Variants in ABL2 observed in about 807,000 individuals in gnomAD.
The protein encoded by ABL2 is tyrosine-protein kinase ABL2.
A neutral mutation model predicts 107.7 loss-of-function variants in ABL2; 49 were observed. That is an observed-to-expected ratio of 0.45 (90% CI 0.36 to 0.58). The LOEUF (loss-of-function observed/expected upper bound fraction) is 0.58. Ranked by LOEUF, ABL2 falls within the 20% of genes least tolerant of loss-of-function variation. The pLI, the probability that ABL2 is intolerant of heterozygous loss-of-function variation, is 0.00. For missense variants in ABL2, 1,245 were observed against 1,457.0 expected, an observed-to-expected ratio of 0.85 and a Z score of 2.37; for synonymous variants, 549 against 548.6, an observed-to-expected ratio of 1.00 and a Z score of -0.01.
At chr1:179,183,944 C>T (rs993102809) in intron 1 of ABL2, 1 of 264,712 alleles carries the variant, frequency 3.8e-6, no homozygotes, top group East Asian at 1.1e-4. Context: ...CTAGACTTGC[C>T]GAAGAGAGAA....
chr1:179,183,266 C>G (rs868819413), intron 1 of ABL2, among the ~76,000 whole-genome samples: 1 of 152,064 alleles, frequency 6.6e-6, no homozygotes, highest in Non-Finnish European at 1.5e-5. Flanking sequence ...TTACTTAATG[C>G]GTACAACTTA....
At chr1:179,192,552 A>G (rs142395847) in intron 1 of ABL2, among the ~76,000 whole-genome samples, 2 of 152,284 alleles carry the variant, frequency 1.3e-5, no homozygotes, top group East Asian at 1.9e-4. Context: ...TGGCACACCA[A>G]TTCACCCATT....
At chr1:179,118,375 C>T (rs1176267164) in intron 7 of ABL2, among the ~76,000 whole-genome samples, 1 of 152,066 alleles carries the variant, frequency 6.6e-6, no homozygotes, top group Non-Finnish European at 1.5e-5. Context: ...AGAGAGTTCT[C>T]AGGTTTGAGA....
intron 1 of ABL2, among the ~76,000 whole-genome samples, chr1:179,224,352 C>T (rs543133662): frequency 4.0e-5 from 6 of 151,868 alleles, no homozygotes; most frequent in South Asian, 2.1e-4. Flanking sequence ...CTGCAAACTC[C>T]GCCTCCGGGG....
intron 1 of ABL2, among the ~76,000 whole-genome samples, chr1:179,180,930 C>T (rs1660342673): frequency 6.6e-6 from 1 of 152,134 alleles, no homozygotes; most frequent in Non-Finnish European, 1.5e-5. Context: ...ATGCAAAAAG[C>T]GTGATAATTA....
At chr1:179,116,998 C>T (rs1654708462) in intron 8 of ABL2, 1 of 330,638 alleles carries the variant, frequency 3.0e-6, no homozygotes, top group Non-Finnish European at 5.8e-6. Flanking sequence ...TGCCACCACG[C>T]CTGGCTAATT....
intron 1 of ABL2, among the ~76,000 whole-genome samples, chr1:179,161,857 G>A (rs1275748059): frequency 6.6e-6 from 1 of 152,170 alleles, no homozygotes; most frequent in African/African-American, 2.4e-5. Flanking sequence ...AGGTGTTTAG[G>A]ACATGACGGC....
chr1:179,123,584 AAAGT>A (rs1173707276), intron 4 of ABL2, among the ~76,000 whole-genome samples: 1 of 152,216 alleles, frequency 6.6e-6, no homozygotes, highest in Non-Finnish European at 1.5e-5. Context: ...TAAGAAATGT[AAAGT>A]AAGAGGGAAT....
At chr1:179,121,889 C>T in intron 4 of ABL2, 22 bp from the exon 5 acceptor site, 2 of 1,344,596 alleles carry the variant, frequency 1.5e-6, no homozygotes, top group South Asian at 1.3e-5. Flanking sequence ...AGGAGAAAAG[C>T]TAAACAACTT....
intron 1 of ABL2, among the ~76,000 whole-genome samples, chr1:179,199,120 C>T (rs1437150298): frequency 2.6e-5 from 4 of 151,934 alleles, no homozygotes; most frequent in African/African-American, 4.8e-5. Flanking sequence ...TGAGATTACA[C>T]GCGTGAGCCA....
At chr1:179,160,080 C>T (rs28911768) in intron 1 of ABL2, among the ~76,000 whole-genome samples, 2 of 152,148 alleles carry the variant, frequency 1.3e-5, no homozygotes, top group Non-Finnish European at 2.9e-5. Context: ...CGCCACTGCA[C>T]GCCAGCCTGG....
At chr1:179,115,539 C>T (rs1654536752) in intron 8 of ABL2, among the ~76,000 whole-genome samples, 1 of 152,196 alleles carries the variant, frequency 6.6e-6, no homozygotes, top group East Asian at 1.9e-4. Flanking sequence ...CCGCCTCGCA[C>T]ATAAATCATC....
At chr1:179,164,480 T>C (rs1659266045) in intron 1 of ABL2, among the ~76,000 whole-genome samples, 1 of 152,208 alleles carries the variant, frequency 6.6e-6, no homozygotes, top group Admixed American at 6.5e-5. Flanking sequence ...CCAAGATCTT[T>C]GCATCTTCAG....
At position 179,109,153 on chromosome 1, in the gene ABL2, G is replaced by A. The variant is rs1312165272; in HGVS notation, c.2114C>T (p.Pro705Leu). 2 of 1,613,514 alleles carry A rather than the reference G, an allele frequency of 1.2e-6. No individual in the cohort carries two copies. The highest frequency in any genetic ancestry group is 1.7e-5 in the Admixed American group (1 of 59,934). The change falls in exon 12 of 12, where the codon CCT (proline) becomes CTT (leucine). Residue 705 changes from proline (P) to leucine (L), a missense_variant. Pro to Leu is a moderately conservative substitution (Grantham distance 98). Coordinates refer to ENST00000502732, the MANE Select transcript of ABL2 (RefSeq NM_007314.4). Reference protein sequence around the residue: ...LQHADGFSFTPAQQEANLVPP... With the variant: ...LQHADGFSFTLAQQEANLVPP... The stretch of plus-strand genomic sequence containing the variant: ...CACCAGATTCGCCTCTTGCTGGGCA[G>A]GAGTGAAAGAGAACCCATCAGCATG...
intron 5 of ABL2, among the ~76,000 whole-genome samples, chr1:179,121,166 G>C (rs992334993): frequency 2.6e-5 from 4 of 152,154 alleles, no homozygotes; most frequent in African/African-American, 9.7e-5. Flanking sequence ...AAAGATTTCT[G>C]TTAATATTAA....
chr1:179,128,361 C>T (rs2102652507), intron 3 of ABL2, among the ~76,000 whole-genome samples: 1 of 152,050 alleles, frequency 6.6e-6, no homozygotes. Context: ...AAGAATCCTG[C>T]TAGAAAAACT....
In ABL2 at chr1:179,133,318, T is replaced by A; in HGVS notation, c.214A>T (p.Ser72Cys). Residue 72 changes from serine (S) to cysteine (C), a missense_variant, in exon 2 of 12, where the codon AGT (serine) becomes TGT (cysteine). Transcript: ENST00000502732. Reference protein sequence around the residue: ...GFEGDKTGGSSPEALHRPYGC... With the variant: ...GFEGDKTGGSCPEALHRPYGC... ...ACATCTCAACATCTCTCACCTGGAC[T>A]ACTGCCTCCAGTCTTGTCTCCCTCA... 6.2e-7 allele frequency: 1 copy of A among 1,614,166 alleles called. No homozygotes were observed. Among genetic ancestry groups the A allele is most frequent in the Non-Finnish European group, 8.5e-7 (1 of 1,180,030 alleles).
chr1:179,132,393 A>G (rs1014785832), intron 2 of ABL2, among the ~76,000 whole-genome samples: 6 of 152,300 alleles, frequency 3.9e-5, no homozygotes, highest in Admixed American at 3.9e-4. Flanking sequence ...GATTATACAA[A>G]AAACAGTTTT....
chr1:179,124,739 C>T (rs1179701107), intron 4 of ABL2, among the ~76,000 whole-genome samples: 2 of 152,112 alleles, frequency 1.3e-5, no homozygotes, highest in African/African-American at 4.8e-5. Flanking sequence ...GCTGGGATTA[C>T]GGGTGTGAGC....
Sources: gnomAD v4.1 joint callset for allele counts (sites outside exome capture counted in the v4.1 genomes callset) on GRCh38, gnomAD v4.1.1 for gene constraint, MANE v1.5 for transcripts, NCBI Gene and HGNC (gene_info 2026-07-23, HGNC 2026-07-21) for gene names.